Variants in CACNA1E observed in about 807,000 individuals in gnomAD.
CACNA1E encodes voltage-dependent R-type calcium channel subunit alpha-1E.
Under a neutral mutation model 259.2 loss-of-function variants are expected in CACNA1E, and 40 were observed. The ratio of observed to expected loss-of-function variants is 0.15; its 90% CI spans 0.12 to 0.20. The LOEUF (loss-of-function observed/expected upper bound fraction) is 0.20, where lower values mean the gene tolerates loss of function less well. Ranked by LOEUF, CACNA1E falls within the 10% of genes least tolerant of loss-of-function variation. The pLI, the probability that CACNA1E is intolerant of heterozygous loss-of-function variation, is 1.00. For synonymous variants in CACNA1E, 1,104 were observed against 1,138.5 expected, an observed-to-expected ratio of 0.97 and a Z score of 0.61; for missense variants, 1,874 against 3,040.1, an observed-to-expected ratio of 0.62 and a Z score of 9.02.
In CACNA1E at chr1:181,568,949, T is replaced by C. The variant is rs555152387; in HGVS notation, c.513-8817T>C. ...GTCTACTCTCCCCTGATTCATTAGGTTTCAGCCACACCAGCCTTGTTTCAG... is the reference window on the plus strand; with the variant it reads ...GTCTACTCTCCCCTGATTCATTAGGCTTCAGCCACACCAGCCTTGTTTCAG... On this transcript the variant is annotated intron_variant, in intron 3 of 47. Transcript: ENST00000367573. Among the ~76,000 whole-genome samples the C allele has an allele frequency of 6.6e-5, 10 of 152,296 alleles. 1 individual carries two copies. The highest frequency in any genetic ancestry group is 5.2e-4 in the Admixed American group (8 of 15,294).
At chr1:181,396,506 A>G (rs1184276838) in intron 1 of CACNA1E, among the ~76,000 whole-genome samples, 1 of 152,232 alleles carries the variant, frequency 6.6e-6, no homozygotes, top group Non-Finnish European at 1.5e-5. Context: ...GAGAACTGAG[A>G]CAGTGAATAG....
intron 6 of CACNA1E, among the ~76,000 whole-genome samples, chr1:181,581,237 C>T (rs1029261095): frequency 5.3e-5 from 8 of 152,084 alleles, no homozygotes; most frequent in Non-Finnish European, 1.0e-4. Context: ...CAACTGAGCT[C>T]CATCCCACAC....
chr1:181,478,643 G>A (rs936598284), upstream of CACNA1E, among the ~76,000 whole-genome samples: 1 of 152,234 alleles, frequency 6.6e-6, no homozygotes, highest in African/African-American at 2.4e-5. Flanking sequence ...AACTGGCAGG[G>A]TGGGGGAAGA....
intron 1 of CACNA1E, among the ~76,000 whole-genome samples, chr1:181,376,612 G>T (rs1329576554): frequency 6.6e-6 from 1 of 152,140 alleles, no homozygotes; most frequent in Non-Finnish European, 1.5e-5. Context: ...AGAGGGTGAG[G>T]GGTGGCTCCC....
At chr1:181,757,184 C>A in intron 30 of CACNA1E, 58 bp downstream of exon 30, 1 of 1,228,970 alleles carries the variant, frequency 8.1e-7, no homozygotes, top group Non-Finnish European at 1.2e-6. Context: ...GATTCTTGGG[C>A]CAGCAATGTA....
At chr1:181,562,254 C>T (rs1649402042) in intron 3 of CACNA1E, among the ~76,000 whole-genome samples, 1 of 152,178 alleles carries the variant, frequency 6.6e-6, no homozygotes, top group Non-Finnish European at 1.5e-5. Context: ...CTTCACCATC[C>T]TTATATGCCC....
chr1:181,699,060 A>G (rs1651980139), intron 7 of CACNA1E, among the ~76,000 whole-genome samples: 1 of 152,204 alleles, frequency 6.6e-6, no homozygotes, highest in Non-Finnish European at 1.5e-5. Flanking sequence ...TTGTTTTCAG[A>G]AGGTCCTGGT....
At chr1:181,793,969 AC>A (rs573547723) in intron 45 of CACNA1E, among the ~76,000 whole-genome samples, 176 bp downstream of exon 45, 3 of 150,962 alleles carry the variant, frequency 2.0e-5, no homozygotes, top group Non-Finnish European at 4.4e-5. Flanking sequence ...GTTTTCAATG[AC>A]CCCCCCTAAC....
chr1:181,515,862 T>C (rs1413307724), intron 3 of CACNA1E, among the ~76,000 whole-genome samples: 2 of 152,164 alleles, frequency 1.3e-5, no homozygotes, highest in Non-Finnish European at 2.9e-5. Context: ...TAAATGCTGA[T>C]TGAATTGAAT....
Position 181,758,188 on chromosome 1 carries a change from A to C in CACNA1E, c.4494+77A>C. On this transcript the variant is annotated intron_variant, in intron 31 of 47. Transcript: ENST00000367573. The surrounding 1 kb of genome is among the most constrained non-coding windows in gnomAD (Gnocchi z 4.2). ...CCAGGGCAAGTGGGAAGACACCCCAACATCCCAGCCCATCACTGCTTTACC... is the reference window on the plus strand; with the variant it reads ...CCAGGGCAAGTGGGAAGACACCCCACCATCCCAGCCCATCACTGCTTTACC... 3.1e-6 allele frequency: 4 copies of C among 1,303,078 alleles called. No homozygotes were observed. Among genetic ancestry groups the C allele is most frequent in the South Asian group, 1.3e-5 (1 of 78,218 alleles). The allele number at this position is 1,303,078 out of a possible 1,614,324, so 80.7% of individuals were successfully genotyped here. A position where few individuals can be genotyped will look rare whatever the true frequency, so the allele number is the denominator to read the frequency against.
At chr1:181,587,029 G>C (rs1572292775) in intron 6 of CACNA1E, among the ~76,000 whole-genome samples, 1 of 152,290 alleles carries the variant, frequency 6.6e-6, no homozygotes, top group Non-Finnish European at 1.5e-5. Context: ...CTAGACCACA[G>C]ATGTAGGGAT....
intron 6 of CACNA1E, among the ~76,000 whole-genome samples, chr1:181,645,379 G>A (rs549000140): frequency 6.6e-6 from 1 of 152,096 alleles, no homozygotes; most frequent in African/African-American, 2.4e-5. Flanking sequence ...GCTCCAGGGC[G>A]CTGCTACTGC....
chr1:181,401,032 C>T (rs544116102), intron 1 of CACNA1E, among the ~76,000 whole-genome samples: 68 of 152,330 alleles, frequency 4.5e-4, no homozygotes, highest in African/African-American at 1.5e-3. Flanking sequence ...AACATTACAT[C>T]GCCGATATCA....
chr1:181,686,789 A>G (rs1231806682), intron 7 of CACNA1E, among the ~76,000 whole-genome samples: 1 of 152,152 alleles, frequency 6.6e-6, no homozygotes, highest in East Asian at 1.9e-4. Flanking sequence ...CATGGTGGGG[A>G]TGCTTGCAGC....
At chr1:181,542,476 G>C (rs952792567) in intron 3 of CACNA1E, among the ~76,000 whole-genome samples, 18 of 152,076 alleles carry the variant, frequency 1.2e-4, no homozygotes, top group Non-Finnish European at 2.5e-4. Flanking sequence ...ATGTCAAGGG[G>C]GAGATCAGGT....
intron 21 of CACNA1E, among the ~76,000 whole-genome samples, chr1:181,734,130 A>G (rs1356169805): frequency 1.3e-5 from 2 of 152,112 alleles, no homozygotes; most frequent in African/African-American, 2.4e-5. Flanking sequence ...GGAGTGGACC[A>G]TGGCTCTGCT....
At chr1:181,582,983 T>C (rs955774148) in intron 6 of CACNA1E, among the ~76,000 whole-genome samples, 10 of 152,096 alleles carry the variant, frequency 6.6e-5, no homozygotes, top group African/African-American at 2.4e-4. Context: ...CTGTCAGTCA[T>C]TGAACTTGAG....
intron 20 of CACNA1E, 45 bp from the exon 21 acceptor site, chr1:181,733,392 G>T: frequency 6.9e-7 from 1 of 1,454,254 alleles, no homozygotes; most frequent in South Asian, 1.4e-5. Flanking sequence ...CTGCCATTTG[G>T]GGACAGCGTC....
At chr1:181,617,426 A>G (rs1465570044) in intron 6 of CACNA1E, among the ~76,000 whole-genome samples, 1 of 152,192 alleles carries the variant, frequency 6.6e-6, no homozygotes, top group Non-Finnish European at 1.5e-5. Flanking sequence ...GTCTTTGTCA[A>G]GGGTGGAAGG....
Sources: allele counts gnomAD v4.1 joint callset (sites outside exome capture counted in the v4.1 genomes callset), GRCh38; gene constraint gnomAD v4.1.1; non-coding constraint Gnocchi (gnomAD v3.1); transcripts MANE v1.5; gene names NCBI Gene and HGNC (gene_info 2026-07-23, HGNC 2026-07-21).